Variants in FAR2 observed in about 807,000 individuals in gnomAD.
FAR2 encodes the protein epididymis secretory protein Li 81.
Under a neutral mutation model 56.0 loss-of-function variants are expected in FAR2, and 19 were observed. The ratio of observed to expected loss-of-function variants is 0.34; its 90% CI spans 0.24 to 0.50. The LOEUF is 0.50. Among genes scored for constraint, FAR2 ranks in the 20% least tolerant of loss-of-function variants. FAR2 has a pLI of 0.98. For missense variants in FAR2, 508 were observed against 642.2 expected (o/e 0.79, Z 2.26); for synonymous variants, 219 against 218.8 (o/e 1.00, Z -0.01).
chr12:29,174,292 G>A (rs1479749881), intron 1 of FAR2, among the ~76,000 whole-genome samples: 1 of 152,024 alleles, frequency 6.6e-6, no homozygotes, highest in African/African-American at 2.4e-5. Context: ...GGGGCTTTGG[G>A]CAAAAAATAT....
chr12:29,235,454 A>G (rs952683041), intron 1 of FAR2, among the ~76,000 whole-genome samples: 3 of 152,158 alleles, frequency 2.0e-5, no homozygotes, highest in African/African-American at 7.2e-5. Context: ...CCACAATTTC[A>G]TTCACTTGAA....
intron 1 of FAR2, chr12:29,171,677 C>T (rs1949887927): frequency 6.6e-6 from 1 of 150,638 alleles, no homozygotes; most frequent in Non-Finnish European, 1.5e-5. Flanking sequence ...ATGAGGGCCT[C>T]TGCCCAGCTG....
intron 4 of FAR2, among the ~76,000 whole-genome samples, chr12:29,302,380 T>C (rs968975081): frequency 7.4e-5 from 11 of 148,614 alleles, no homozygotes; most frequent in Non-Finnish European, 1.0e-4. Flanking sequence ...TCTGGTGGAG[T>C]GGAGGGAGGC....
At chr12:29,155,701 C>T (rs1949720461) in intron 1 of FAR2, among the ~76,000 whole-genome samples, 1 of 152,092 alleles carries the variant, frequency 6.6e-6, no homozygotes, top group Non-Finnish European at 1.5e-5. Flanking sequence ...TATCAGAAAA[C>T]AGCTTGTATC....
intron 1 of FAR2, among the ~76,000 whole-genome samples, chr12:29,265,075 C>T (rs923066006): frequency 6.6e-6 from 1 of 152,112 alleles, no homozygotes; most frequent in Non-Finnish European, 1.5e-5. Flanking sequence ...TTGGAAGAGT[C>T]AATATTGTTA....
chr12:29,232,558 G>T (rs1011955274), intron 1 of FAR2, among the ~76,000 whole-genome samples: 4 of 151,976 alleles, frequency 2.6e-5, no homozygotes, highest in African/African-American at 9.7e-5. Context: ...TCAAATAGAG[G>T]TTGTTCATTG....
intron 8 of FAR2, among the ~76,000 whole-genome samples, chr12:29,314,476 A>G (rs1949412653): frequency 6.9e-6 from 1 of 145,472 alleles, no homozygotes; most frequent in African/African-American, 2.6e-5. Context: ...TAATTATTCT[A>G]TTCCAGGGAG....
chr12:29,191,084 G>A (rs1428237687), intron 1 of FAR2, among the ~76,000 whole-genome samples: 3 of 152,164 alleles, frequency 2.0e-5, no homozygotes, highest in African/African-American at 7.2e-5. Context: ...GCTAGCTCTG[G>A]GAGTAGGCAG....
chr12:29,191,021 C>T (rs1950098875), intron 1 of FAR2, among the ~76,000 whole-genome samples: 1 of 152,174 alleles, frequency 6.6e-6, no homozygotes, highest in Non-Finnish European at 1.5e-5. Context: ...CCCCTGTCCT[C>T]ATTTCCCTCC....
At chr12:29,174,908 C>T (rs141399611) in intron 1 of FAR2, among the ~76,000 whole-genome samples, 19 of 152,286 alleles carry the variant, frequency 1.2e-4, no homozygotes, top group African/African-American at 4.3e-4. Context: ...GTTGGGACCC[C>T]GAAGCTGAAT....
intron 1 of FAR2, among the ~76,000 whole-genome samples, chr12:29,184,580 G>T (rs956504783): frequency 1.3e-5 from 2 of 151,618 alleles, no homozygotes; most frequent in South Asian, 2.1e-4. Flanking sequence ...GATTACTGGT[G>T]CCCACCACCA....
At chr12:29,322,881 C>T (rs1949575873) in intron 10 of FAR2, among the ~76,000 whole-genome samples, 1 of 152,236 alleles carries the variant, frequency 6.6e-6, no homozygotes, top group South Asian at 2.1e-4. Flanking sequence ...CCTTGCACTT[C>T]CTGGGTGAGG....
At chr12:29,191,250 T>TCCAGTCCTGTCTGCATTTCC (rs1950100797) in intron 1 of FAR2, among the ~76,000 whole-genome samples, 2 of 152,370 alleles carry the variant, frequency 1.3e-5, no homozygotes, top group Admixed American at 6.5e-5. Context: ...TGCGCATTTC[T>TCCAGTCCTGTCTGCATTTCC]CCAGTCCTGT....
At chr12:29,313,713 C>G (rs952320889) in intron 8 of FAR2, among the ~76,000 whole-genome samples, 2 of 152,018 alleles carry the variant, frequency 1.3e-5, no homozygotes, top group Non-Finnish European at 2.9e-5. Context: ...CACATTACAT[C>G]AATTTTTTTG....
At position 29,321,779 on chromosome 12, in the gene FAR2, C is replaced by G. The variant is rs766388870; in HGVS notation, c.1128-16C>G. 1 of 1,611,794 alleles carries G rather than the reference C, an allele frequency of 6.2e-7. No homozygotes were observed. The highest frequency in any genetic ancestry group is 8.5e-7 in the Non-Finnish European group (1 of 1,178,580). On this transcript the variant is annotated splice_polypyrimidine_tract_variant and intron_variant, in intron 9 of 11. Coordinates refer to ENST00000536681, the MANE Select transcript of FAR2 (RefSeq NM_001271783.2). Reference sequence around the variant, plus strand: ...GTGGTGCGCTGATATTTACTCCTATCTGATGGTTATCTCAGGATGACAAAG... The same window carrying G: ...GTGGTGCGCTGATATTTACTCCTATGTGATGGTTATCTCAGGATGACAAAG...
intron 1 of FAR2, among the ~76,000 whole-genome samples, chr12:29,268,773 C>T (rs1948563497): frequency 6.6e-6 from 1 of 152,094 alleles, no homozygotes; most frequent in Admixed American, 6.6e-5. Context: ...AATAAAGGGA[C>T]AGAGTACAAA....
At chr12:29,155,199 T>G (rs1949716560) in intron 1 of FAR2, among the ~76,000 whole-genome samples, 1 of 152,204 alleles carries the variant, frequency 6.6e-6, no homozygotes, top group Non-Finnish European at 1.5e-5. Context: ...ACCTGAGGCA[T>G]AAACAATGGG....
At chr12:29,323,135 G>C (rs970430519) in intron 10 of FAR2, among the ~76,000 whole-genome samples, 1 of 152,240 alleles carries the variant, frequency 6.6e-6, no homozygotes, top group Non-Finnish European at 1.5e-5. Context: ...TATGCCCATG[G>C]AGCCTCACTC....
intron 1 of FAR2, among the ~76,000 whole-genome samples, chr12:29,258,812 A>T (rs940531879): frequency 6.6e-6 from 1 of 152,222 alleles, no homozygotes; most frequent in African/African-American, 2.4e-5. Flanking sequence ...ATTTGGTTGA[A>T]TGAAATTGAG....
Sources: allele counts gnomAD v4.1 joint callset (sites outside exome capture counted in the v4.1 genomes callset), GRCh38; gene constraint gnomAD v4.1.1; transcripts MANE v1.5; gene names NCBI Gene and HGNC (gene_info 2026-07-23, HGNC 2026-07-21).